IGF2R: variants seen among roughly 807,000 people sequenced by gnomAD.
IGF2R encodes the protein insulin like growth factor 2 receptor, also known as cation-independent mannose-6-phosphate receptor.
In IGF2R, 91 loss-of-function variants were observed where a neutral mutation model predicts 270.6. That is an observed-to-expected ratio of 0.34 (90% CI 0.28 to 0.40). The LOEUF is 0.40. Among genes scored for constraint, IGF2R ranks in the 10% least tolerant of loss-of-function variants. The pLI, the probability that IGF2R is intolerant of heterozygous loss-of-function variation, is 1.00. For missense variants in IGF2R, 2,805 were observed against 3,188.3 expected (o/e 0.88, Z 2.90); for synonymous variants, 1,316 against 1,258.9 (o/e 1.05, Z -0.96).
chr6:160,085,235 GA>G, intron 41 of IGF2R, 104 bp downstream of exon 41: 1 of 1,225,744 alleles, frequency 8.2e-7, no homozygotes, highest in Non-Finnish European at 1.2e-6. Context: ...TGCTTTGGTG[GA>G]AACCTCCAGA....
chr6:159,982,420 G>T (rs1218026266), intron 1 of IGF2R, among the ~76,000 whole-genome samples: 3 of 152,176 alleles, frequency 2.0e-5, no homozygotes, highest in Non-Finnish European at 4.4e-5. Flanking sequence ...TGGATGTTCA[G>T]GTTGGAAACA....
In IGF2R at chr6:160,043,201, A is replaced by C. The variant is rs8191776; in HGVS notation, c.1534A>C (p.Lys512Gln). 7 of 1,614,192 alleles carry C rather than the reference A, an allele frequency of 4.3e-6. No homozygotes were observed. The South Asian group carries it at 6.6e-5, about 15-fold the overall frequency. ...VDGSQTETEK[K>Q]HFFINICHRV... ...TGGCAGTCAGACGGAAACAGAGAAG[A>C]AGCATTTTTTCATTAATATTTGTCA... Residue 512 changes from lysine (K) to glutamine (Q), a missense_variant, in exon 12 of 48, where the codon AAG becomes CAG. Physicochemically the swap from Lys to Gln is moderately conservative, Grantham distance 53. Around this residue, in one of 2 missense-constraint regions of IGF2R, gnomAD observed 954 missense variants for 981.1 expected, o/e 0.97. Transcript: ENST00000356956.
At chr6:160,093,306 G>A (rs572393198) in intron 44 of IGF2R, 7 of 234,488 alleles carry the variant, frequency 3.0e-5, no homozygotes, top group Admixed American at 1.0e-4. Context: ...CCCCTGCTCC[G>A]TATCCTGTCA....
Position 160,004,228 on chromosome 6 carries a change from T to G in IGF2R, c.290-4782T>G, listed in dbSNP as rs1784177073. 1 of 152,238 alleles carries G rather than the reference T, an allele frequency of 6.6e-6. No homozygotes were observed. The highest frequency in any genetic ancestry group is 2.1e-4 in the South Asian group (1 of 4,834). 9.4% of individuals were successfully genotyped at this position (152,238 alleles called of 1,614,324 possible). A position where few individuals can be genotyped will look rare whatever the true frequency, so the allele number is the denominator to read the frequency against. On this transcript the variant is annotated intron_variant, in intron 2 of 47. Coordinates refer to ENST00000356956, the MANE Select transcript of IGF2R (RefSeq NM_000876.4). This position sits in a 1 kb window ranked among gnomAD's most constrained non-coding sequence, Gnocchi z 5.2. ...AGGGTTCTCTGTTTGCCTTGTAGGT[T>G]CTAATTGCCATGGCAATAATATAAT...
chr6:160,076,093 T>TA (rs1772017693), intron 36 of IGF2R, 97 bp downstream of exon 36: 1 of 1,181,470 alleles, frequency 8.5e-7, no homozygotes, highest in Non-Finnish European at 1.2e-6. Context: ...AGGATACTCT[T>TA]ATTCAAAATG....
chr6:160,057,916 GT>G, intron 20 of IGF2R, 106 bp from the exon 21 acceptor site: 1 of 686,928 alleles, frequency 1.5e-6, no homozygotes, highest in Non-Finnish European at 2.7e-6. Context: ...TGGAGAAACA[GT>G]TTTGTCAGGT....
chr6:160,096,939 T>C (rs1215883392), intron 45 of IGF2R, among the ~76,000 whole-genome samples: 1 of 152,180 alleles, frequency 6.6e-6, no homozygotes, highest in African/African-American at 2.4e-5. Flanking sequence ...CTCTACCCTG[T>C]TCCCATTGCT....
At chr6:160,047,058 G>T (rs1264726737) in intron 15 of IGF2R, 101 bp from the exon 16 acceptor site, 10 of 1,094,478 alleles carry the variant, frequency 9.1e-6, no homozygotes, top group Non-Finnish European at 1.4e-5. Flanking sequence ...CCTGGTTCTG[G>T]TGACTCCTCA....
At chr6:160,016,770 G>C (rs2115213799) in intron 4 of IGF2R, among the ~76,000 whole-genome samples, 1 of 152,348 alleles carries the variant, frequency 6.6e-6, no homozygotes, top group Middle Eastern at 3.4e-3. Context: ...CTATAACCAA[G>C]GAATTCATAC....
chr6:160,003,747 A>G (rs1342202815), intron 2 of IGF2R: 1 of 152,184 alleles, frequency 6.6e-6, no homozygotes, highest in Non-Finnish European at 1.5e-5. Context: ...TGGAGCTTAC[A>G]TTTTAGTAGG....
intron 14 of IGF2R, among the ~76,000 whole-genome samples, 166 bp from the exon 15 acceptor site, chr6:160,046,332 C>T (rs886892205): frequency 4.6e-5 from 7 of 152,088 alleles, no homozygotes; most frequent in Non-Finnish European, 7.3e-5. Flanking sequence ...TTAGTAATCG[C>T]GGTTCTGGTG....
chr6:160,084,249 C>CGAT lies in IGF2R; in HGVS notation c.6068+67_6068+69dup. On this transcript the variant is annotated intron_variant, in intron 40 of 47. Coordinates refer to ENST00000356956, the MANE Select transcript of IGF2R (RefSeq NM_000876.4). This position sits in a 1 kb window ranked among gnomAD's most constrained non-coding sequence, Gnocchi z 4.6. ...AGCATGTGAACTTCAGACTGCTTGACGATGGTTGGCTCTTTTGGGTTCTCA... is the reference window on the plus strand; with the variant it reads ...AGCATGTGAACTTCAGACTGCTTGACGATGATGGTTGGCTCTTTTGGGTTCTCA... 2 of 959,814 alleles carry CGAT rather than the reference C, an allele frequency of 2.1e-6. No homozygotes were observed. Among genetic ancestry groups the CGAT allele is most frequent in the Non-Finnish European group, 3.3e-6 (2 of 600,958 alleles). The allele number at this position is 959,814 out of a possible 1,614,324, so 59.5% of individuals were successfully genotyped here.
intron 33 of IGF2R, 39 bp downstream of exon 33, chr6:160,072,923 C>G: frequency 6.3e-7 from 1 of 1,581,588 alleles, no homozygotes; most frequent in Non-Finnish European, 8.6e-7. Flanking sequence ...CTGACTCTCC[C>G]GTCCTCTGGG....
chr6:160,105,237 G>A lies in IGF2R; in HGVS notation c.*153G>A, dbSNP rs1779588623. The A allele has an allele frequency of 1.6e-6, 1 of 639,284 alleles. No individual in the cohort carries two copies. The highest frequency in any genetic ancestry group is 2.7e-6 in the Non-Finnish European group (1 of 374,776). 39.6% of individuals were successfully genotyped at this position (639,284 alleles called of 1,614,324 possible). ...TTGTGATGGGGGAGAGGGTGAAGGA[G>A]GTCAGGCCCCACTCCTTCCTGATTG... On this transcript the variant is annotated 3_prime_UTR_variant, in exon 48 of 48. Transcript: ENST00000356956.
intron 6 of IGF2R, among the ~76,000 whole-genome samples, chr6:160,028,259 G>T (rs1323112070): frequency 6.6e-6 from 1 of 152,096 alleles, no homozygotes; most frequent in African/African-American, 2.4e-5. Context: ...CCTCTGCGGG[G>T]GTCTGTGTCC....
rs1784178058 is a variant in IGF2R, at chr6:160,004,309, C to G, written c.290-4701C>G. The stretch of plus-strand genomic sequence containing the variant: ...TGCCTGTGAAGTCAGGATCACCAGG[C>G]TTTGTGGCTTCAAGGAGGCCAAATC... On this transcript the variant is annotated intron_variant, in intron 2 of 47. Coordinates refer to ENST00000356956, the MANE Select transcript of IGF2R (RefSeq NM_000876.4). This position sits in a 1 kb window ranked among gnomAD's most constrained non-coding sequence, Gnocchi z 5.2. 6.6e-6 allele frequency: 1 copy of G among 152,202 alleles called. No individual in the cohort carries two copies. Among genetic ancestry groups the G allele is most frequent in the Non-Finnish European group, 1.5e-5 (1 of 68,072 alleles). 9.4% of individuals were successfully genotyped at this position (152,202 alleles called of 1,614,324 possible).
At chr6:160,032,476 T>A in intron 7 of IGF2R, 75 bp from the exon 8 acceptor site, 1 of 1,397,118 alleles carries the variant, frequency 7.2e-7, no homozygotes, top group Admixed American at 1.9e-5. Flanking sequence ...TTTGAGCTTT[T>A]CATAAGTGTG....
rs1234424491 is a variant in IGF2R at position 160,034,438 on chromosome 6, A to G, written c.1231A>G (p.Thr411Ala). The change falls in exon 10 of 48, where the codon ACC (threonine) becomes GCC (alanine). Residue 411 changes from threonine (T) to alanine (A), a missense_variant. Physicochemically the swap from Thr to Ala is moderately conservative, Grantham distance 58. Around this residue, in one of 2 missense-constraint regions of IGF2R, gnomAD observed 954 missense variants for 981.1 expected, o/e 0.97. Transcript: ENST00000356956. ...ATCTAGATATTCGGATGGAGACCTC[A>G]CCTTGATATATTTTGGAGGTGATGA... ...QTLRYSDGDLTLIYFGGDECS... is the reference protein window; with the variant it reads ...QTLRYSDGDLALIYFGGDECS... 6.2e-7 allele frequency: 1 copy of G among 1,604,110 alleles called. No homozygotes were observed. Among genetic ancestry groups the G allele is most frequent in the African/African-American group, 1.3e-5 (1 of 74,794 alleles).
chr6:160,103,741 T>A lies in IGF2R; in HGVS notation c.6996-5T>A, dbSNP rs2297370. 353,618 of 1,599,896 alleles carry A rather than the reference T, an allele frequency of 0.22. 41,396 individuals are homozygous for A. The highest frequency in any genetic ancestry group is 0.4 in the East Asian group (17,795 of 44,746). ...GAGTAATTATTGTCTCCTTTTTTTT[T>A]ATAGGGAAACAGTGATAAGTAAGCT... On this transcript the variant is annotated splice_region_variant and splice_polypyrimidine_tract_variant and intron_variant, in intron 46 of 47. Transcript: ENST00000356956.
Sources: allele counts gnomAD v4.1 joint callset (sites outside exome capture counted in the v4.1 genomes callset), GRCh38; gene constraint gnomAD v4.1.1; regional missense constraint gnomAD v4.1.1; non-coding constraint Gnocchi (gnomAD v3.1); transcripts MANE v1.5; gene names NCBI Gene and HGNC (gene_info 2026-07-23, HGNC 2026-07-21).